DLG2: variants seen among roughly 807,000 people sequenced by gnomAD.
DLG2 encodes the protein discs large MAGUK scaffold protein 2.
In DLG2, 45 loss-of-function variants were observed where a neutral mutation model predicts 132.5. That is an observed-to-expected ratio of 0.34 (90% CI 0.27 to 0.44). DLG2 has a LOEUF of 0.44. Ranked by LOEUF, DLG2 falls within the 20% of genes least tolerant of loss-of-function variation. The pLI is 1.00. For synonymous variants in DLG2, 424 were observed against 419.6 expected, an observed-to-expected ratio of 1.01 and a Z score of -0.13; for missense variants, 1,045 against 1,196.9, an observed-to-expected ratio of 0.87 and a Z score of 1.87.
intron 7 of DLG2, among the ~76,000 whole-genome samples, chr11:84,511,519 T>C (rs529657277): frequency 5.4e-4 from 82 of 152,292 alleles, no homozygotes; most frequent in African/African-American, 2.0e-3. Context: ...AAATAATGCC[T>C]ATACTTAGGT....
chr11:84,448,506 C>T (rs1567664493), intron 7 of DLG2, among the ~76,000 whole-genome samples: 1 of 152,000 alleles, frequency 6.6e-6, no homozygotes, highest in Admixed American at 6.6e-5. Flanking sequence ...CCCCAATGTG[C>T]TCTATAAATT....
chr11:85,015,974 A>T (rs2059543856), intron 6 of DLG2, among the ~76,000 whole-genome samples: 1 of 152,150 alleles, frequency 6.6e-6, no homozygotes. Context: ...AATGTCTACT[A>T]CAAAAAAGTC....
At chr11:83,846,985 T>G (rs750184467) in intron 16 of DLG2, among the ~76,000 whole-genome samples, 17 of 151,836 alleles carry the variant, frequency 1.1e-4, no homozygotes, top group Non-Finnish European at 1.8e-4. Flanking sequence ...TTTCTTTTAT[T>G]TCATAATGTT....
At chr11:85,512,692 C>T (rs913238364) in intron 3 of DLG2, among the ~76,000 whole-genome samples, 18 of 151,922 alleles carry the variant, frequency 1.2e-4, no homozygotes, top group Non-Finnish European at 5.9e-5. Flanking sequence ...CAAAAAATAA[C>T]AGATGTTGGT....
intron 14 of DLG2, among the ~76,000 whole-genome samples, chr11:83,958,939 AAG>A (rs1397254953): frequency 5.9e-5 from 9 of 152,136 alleles, no homozygotes; most frequent in Non-Finnish European, 1.3e-4. Context: ...CCCAACCAGA[AAG>A]AGAGATTAGA....
At chr11:85,087,844 CAAAAAAAAAAAA>C (rs71465019) in intron 6 of DLG2, among the ~76,000 whole-genome samples, 4 of 22,062 alleles carry the variant, frequency 1.8e-4, no homozygotes, top group Non-Finnish European at 4.5e-4. Flanking sequence ...GACTCCGTCT[CAAAAAAAAAAAA>C]AAAAAAAAAA....
chr11:84,250,373 T>G (rs151038500), intron 8 of DLG2, among the ~76,000 whole-genome samples: 234 of 152,308 alleles, frequency 1.5e-3, no homozygotes, highest in African/African-American at 5.3e-3. Context: ...TACCAAGCAC[T>G]TACTTTGTGC....
At chr11:83,849,695 T>A (rs1288010584) in intron 16 of DLG2, among the ~76,000 whole-genome samples, 1 of 151,962 alleles carries the variant, frequency 6.6e-6, no homozygotes, top group African/African-American at 2.4e-5. Context: ...GCATGTGCTT[T>A]GCAAGGGCAG....
intron 7 of DLG2, among the ~76,000 whole-genome samples, chr11:84,340,652 A>T (rs2098510361): frequency 6.6e-6 from 1 of 152,194 alleles, no homozygotes; most frequent in South Asian, 2.1e-4. Flanking sequence ...CAGTAGAATC[A>T]GGACTGAAAC....
At chr11:85,031,488 C>A (rs1291899610) in intron 6 of DLG2, among the ~76,000 whole-genome samples, 1 of 152,030 alleles carries the variant, frequency 6.6e-6, no homozygotes, top group Non-Finnish European at 1.5e-5. Flanking sequence ...TTGGTCCTTT[C>A]TTTTTTCTAC....
chr11:83,672,072 G>T (rs2076920460), intron 18 of DLG2, among the ~76,000 whole-genome samples: 1 of 152,140 alleles, frequency 6.6e-6, no homozygotes, highest in African/African-American at 2.4e-5. Flanking sequence ...GAAATCTAGA[G>T]AAATGGGACA....
At chr11:83,688,311 C>A (rs2080198579) in intron 18 of DLG2, among the ~76,000 whole-genome samples, 1 of 152,126 alleles carries the variant, frequency 6.6e-6, no homozygotes, top group Admixed American at 6.6e-5. Flanking sequence ...GATCCATTTT[C>A]TTTCGGGTTC....
chr11:83,698,651 T>A (rs1326875368), intron 18 of DLG2, among the ~76,000 whole-genome samples: 2 of 152,248 alleles, frequency 1.3e-5, no homozygotes, highest in African/African-American at 2.4e-5. Context: ...ATAATAATTG[T>A]ACTATAGTTA....
chr11:85,207,080 C>A (rs766608293), intron 4 of DLG2, among the ~76,000 whole-genome samples: 3 of 152,132 alleles, frequency 2.0e-5, no homozygotes, highest in South Asian at 4.1e-4. Flanking sequence ...AATTTGCTGT[C>A]TCATCAGCAA....
At position 84,169,732 on chromosome 11, in the gene DLG2, G is replaced by A. The variant is rs1050628283; in HGVS notation, c.574-6221C>T. 5.3e-5 allele frequency among the ~76,000 whole-genome samples: 8 copies of A among 152,218 alleles called. No individual in the cohort carries two copies. The East Asian group carries it at 1.5e-3, about 29-fold the overall frequency. ...TACTAAAAATACAAAAACTAGCTGG[G>A]CATCATGGCTCACGCCTGTAGTCCC... On this transcript the variant is annotated intron_variant, in intron 8 of 27. Coordinates refer to ENST00000376104, the MANE Select transcript of DLG2 (RefSeq NM_001142699.3).
intron 4 of DLG2, among the ~76,000 whole-genome samples, chr11:85,283,394 A>G (rs571363202): frequency 1.7e-3 from 254 of 151,916 alleles, no homozygotes; most frequent in African/African-American, 5.9e-3. Flanking sequence ...AGAATTTTTT[A>G]AAAAGTAATA....
At chr11:83,637,832 G>T (rs1457504464) in intron 18 of DLG2, among the ~76,000 whole-genome samples, 2 of 152,046 alleles carry the variant, frequency 1.3e-5, no homozygotes, top group Non-Finnish European at 2.9e-5. Context: ...AAACCTCAGG[G>T]TCTATCATTC....
chr11:84,989,384 C>T (rs1396375502), intron 6 of DLG2, among the ~76,000 whole-genome samples: 2 of 152,040 alleles, frequency 1.3e-5, no homozygotes, highest in South Asian at 2.1e-4. Context: ...CCATGTTGGC[C>T]GGGGTGGTCT....
At chr11:84,373,971 G>C (rs1426018462) in intron 7 of DLG2, among the ~76,000 whole-genome samples, 1 of 152,098 alleles carries the variant, frequency 6.6e-6, no homozygotes, top group African/African-American at 2.4e-5. Flanking sequence ...GTTATTTTGA[G>C]CTTCTTGATA....
Sources: allele counts gnomAD v4.1 joint callset (sites outside exome capture counted in the v4.1 genomes callset), GRCh38; gene constraint gnomAD v4.1.1; transcripts MANE v1.5; gene names NCBI Gene and HGNC (gene_info 2026-07-23, HGNC 2026-07-21).